The following DAB1 variants were observed in gnomAD, a reference collection of about 807,000 sequenced individuals.
The protein encoded by DAB1 is DAB adaptor protein 1, also known as disabled homolog 1.
In DAB1, 15 loss-of-function variants were observed where a neutral mutation model predicts 64.6. The ratio of observed to expected loss-of-function variants is 0.23; its 90% CI spans 0.16 to 0.36. The LOEUF is 0.36. Among genes scored for constraint, DAB1 ranks in the 10% least tolerant of loss-of-function variants. The pLI is 1.00. For synonymous variants in DAB1, 235 were observed against 251.9 expected, an observed-to-expected ratio of 0.93 and a Z score of 0.64; for missense variants, 596 against 706.7, an observed-to-expected ratio of 0.84 and a Z score of 1.78.
In DAB1 at chr1:57,757,220, T is replaced by TTTTTTTTTG. The variant is rs200688727; in HGVS notation, n.552-107556_552-107555insCAAAAAAAA. On this transcript the variant is annotated intron_variant and non_coding_transcript_variant, in intron 6 of 20. Transcript: ENST00000485760. ...AGAATTTTTTTTTTTTTTTTTTTTT[T>TTTTTTTTTG]AGCAGCAATGATGGAGGCTAACAGC... Among the ~76,000 whole-genome samples the TTTTTTTTTG allele has an allele frequency of 4.4e-3, 528 of 120,090 alleles. 60 individuals are homozygous for TTTTTTTTTG. The highest frequency in any genetic ancestry group is 0.019 in the Admixed American group (193 of 10,300). 78.8% of individuals were successfully genotyped at this position (120,090 alleles called of 152,430 possible).
At chr1:58,227,133 GA>G (rs1659536305) in intron 4 of DAB1, among the ~76,000 whole-genome samples, 1 of 152,208 alleles carries the variant, frequency 6.6e-6, no homozygotes, top group Non-Finnish European at 1.5e-5. Context: ...AAATATCTGG[GA>G]AAGGTTTGTT....
chr1:57,974,995 T>C (rs1346922011), intron 5 of DAB1, among the ~76,000 whole-genome samples: 1 of 152,174 alleles, frequency 6.6e-6, no homozygotes, highest in East Asian at 1.9e-4. Context: ...ATAACTGCTA[T>C]GGACTGAATG....
chr1:58,414,135 C>T (rs1361432319), intron 3 of DAB1, among the ~76,000 whole-genome samples: 3 of 152,194 alleles, frequency 2.0e-5, no homozygotes, highest in Non-Finnish European at 4.4e-5. Context: ...ACCACTGTCA[C>T]ACATGTGTTC....
intron 2 of DAB1, among the ~76,000 whole-genome samples, chr1:57,220,554 AGT>A (rs1469242079): frequency 1.3e-5 from 2 of 152,222 alleles, no homozygotes; most frequent in African/African-American, 4.8e-5. Flanking sequence ...GCCTTAGAGA[AGT>A]TATAACACAT....
intron 3 of DAB1, among the ~76,000 whole-genome samples, chr1:58,351,622 G>T (rs1022446501): frequency 6.6e-6 from 1 of 151,866 alleles, no homozygotes; most frequent in Non-Finnish European, 1.5e-5. Context: ...TTGGTAAGGT[G>T]AGAGGTCAAT....
intron 9 of DAB1, among the ~76,000 whole-genome samples, chr1:57,060,721 T>C (rs922919229): frequency 1.3e-5 from 2 of 151,428 alleles, no homozygotes; most frequent in Non-Finnish European, 2.9e-5. Flanking sequence ...TGGGGAGGGG[T>C]AAAACAAACA....
chr1:58,025,561 G>T (rs3990963), intron 5 of DAB1, among the ~76,000 whole-genome samples: 46,321 of 145,404 alleles, frequency 0.32, 8,973 homozygotes, highest in Non-Finnish European at 0.44. Flanking sequence ...TATATATATA[G>T]AGAGAGAGCC....
At chr1:57,695,126 A>G (rs1158592517) in intron 6 of DAB1, among the ~76,000 whole-genome samples, 1 of 151,688 alleles carries the variant, frequency 6.6e-6, no homozygotes, top group Non-Finnish European at 1.5e-5. Flanking sequence ...CAGGATGCTG[A>G]GACGGGAGGA....
chr1:57,850,683 T>C (rs12131081), intron 1 of DAB1, among the ~76,000 whole-genome samples: 5,615 of 152,254 alleles, frequency 0.037, 155 homozygotes, highest in East Asian at 0.13. Context: ...CCTTCCATCT[T>C]ATGTGACGGC....
chr1:57,627,886 C>A (rs1645942104), intron 7 of DAB1, among the ~76,000 whole-genome samples: 1 of 151,996 alleles, frequency 6.6e-6, no homozygotes, highest in Admixed American at 6.6e-5. Flanking sequence ...AGTGCCTAGT[C>A]CTTCCAAGAT....
Position 58,463,830 on chromosome 1 carries a change from T to C in DAB1, n.257+42230A>G, listed in dbSNP as rs183594123. ...GAATTCTGTACATGTCCTTGTCATG[T>C]GTTTCAGTAGAGTTTGAGAATCTGA... On this transcript the variant is annotated intron_variant and non_coding_transcript_variant, in intron 3 of 20. Coordinates refer to the DAB1 transcript ENST00000485760. 4.6e-4 allele frequency among the ~76,000 whole-genome samples: 70 copies of C among 152,386 alleles called. 1 individual carries two copies. The highest frequency in any genetic ancestry group is 1.3e-4 in the Non-Finnish European group (9 of 68,034).
At chr1:57,834,338 CA>C (rs1652715702) in intron 1 of DAB1, among the ~76,000 whole-genome samples, 3 of 152,226 alleles carry the variant, frequency 2.0e-5, no homozygotes, top group South Asian at 4.1e-4. Flanking sequence ...ATAAAATACA[CA>C]GAGGCTAACT....
At chr1:57,568,151 A>C (rs1570635147) in intron 7 of DAB1, among the ~76,000 whole-genome samples, 1 of 152,204 alleles carries the variant, frequency 6.6e-6, no homozygotes, top group Non-Finnish European at 1.5e-5. Flanking sequence ...TCTTTGACAA[A>C]CCTGACACAA....
chr1:57,661,253 G>A (rs926087188), intron 6 of DAB1, among the ~76,000 whole-genome samples: 2 of 152,234 alleles, frequency 1.3e-5, no homozygotes, highest in Non-Finnish European at 2.9e-5. Flanking sequence ...TGCAGGCACT[G>A]TAGTGTAGTG....
At chr1:57,107,341 C>T (rs142530126) in intron 4 of DAB1, among the ~76,000 whole-genome samples, 4,294 of 149,842 alleles carry the variant, frequency 0.029, 87 homozygotes, top group Non-Finnish European at 0.042. Flanking sequence ...CACCATTGCA[C>T]TCCAGCCTGG....
chr1:57,297,023 G>T (rs1454945171), intron 1 of DAB1, among the ~76,000 whole-genome samples: 1 of 152,146 alleles, frequency 6.6e-6, no homozygotes, highest in Non-Finnish European at 1.5e-5. Flanking sequence ...ACAAACAGGG[G>T]CAGATGGATA....
At chr1:57,889,037 T>C (rs1437215046), upstream of DAB1, among the ~76,000 whole-genome samples, 1 of 152,190 alleles carries the variant, frequency 6.6e-6, no homozygotes, top group Non-Finnish European at 1.5e-5. Flanking sequence ...AGAACGTCTG[T>C]CATGGAATCC....
chr1:58,534,982 C>A (rs919008662), intron 1 of DAB1, among the ~76,000 whole-genome samples: 2 of 152,134 alleles, frequency 1.3e-5, no homozygotes, highest in Non-Finnish European at 2.9e-5. Context: ...CTTAAGATTT[C>A]ATCTAAGTAA....
intron 7 of DAB1, among the ~76,000 whole-genome samples, chr1:57,437,929 C>T (rs1685757833): frequency 6.6e-6 from 1 of 152,204 alleles, no homozygotes; most frequent in African/African-American, 2.4e-5. Context: ...GCTCCAGCCC[C>T]CGCTCTGCCT....
Sources: gnomAD v4.1 joint callset for allele counts (sites outside exome capture counted in the v4.1 genomes callset) on GRCh38, gnomAD v4.1.1 for gene constraint, MANE v1.5 for transcripts, NCBI Gene and HGNC (gene_info 2026-07-23, HGNC 2026-07-21) for gene names.